The following ABCC1 variants were observed in gnomAD, a reference collection of about 807,000 sequenced individuals.
ABCC1 encodes the protein ATP binding cassette subfamily C member 1 (ABCC1 blood group).
In ABCC1, 83 loss-of-function variants were observed where a neutral mutation model predicts 172.9. The ratio of observed to expected loss-of-function variants is 0.48; its 90% CI spans 0.40 to 0.58. The LOEUF is 0.58. ABCC1 is among the 20% of genes least tolerant of loss of function. The pLI is 0.00. For missense variants in ABCC1, 1,817 were observed against 2,002.7 expected (o/e 0.91, Z 1.77); for synonymous variants, 937 against 825.2 (o/e 1.14, Z -2.32).
intron 16 of ABCC1, among the ~76,000 whole-genome samples, chr16:16,082,015 C>CA (rs930961762): frequency 1.3e-5 from 2 of 151,424 alleles, no homozygotes; most frequent in African/African-American, 2.4e-5. Context: ...GGCTTCGTTT[C>CA]AAAAAAAAAT....
chr16:16,004,876 A>G (rs570489961), intron 1 of ABCC1, among the ~76,000 whole-genome samples: 3 of 151,712 alleles, frequency 2.0e-5, no homozygotes, highest in African/African-American at 7.2e-5. Context: ...GGTTCTTGCC[A>G]TGTTGGCCGG....
chr16:15,979,367 C>G (rs753970159), intron 1 of ABCC1, among the ~76,000 whole-genome samples: 16 of 152,046 alleles, frequency 1.1e-4, no homozygotes, highest in African/African-American at 2.4e-4. Flanking sequence ...GAGATACGCT[C>G]TTCCTGAGAT....
rs930973390 is a variant in ABCC1 at position 15,961,070 on chromosome 16, T to A, written c.48+11271T>A. Among the ~76,000 whole-genome samples, 3 of 147,934 alleles carry A rather than the reference T, an allele frequency of 2.0e-5. No individual in the cohort carries two copies. The Admixed American group carries it at 2.1e-4, about 10-fold the overall frequency. ...TATGCTGCTCAGGCTGGTCTCGAACTCCTGGGCTCAAGCAATCCACCCACC... is the reference window on the plus strand; with the variant it reads ...TATGCTGCTCAGGCTGGTCTCGAACACCTGGGCTCAAGCAATCCACCCACC... On this transcript the variant is annotated intron_variant, in intron 1 of 30. Transcript: ENST00000399410.
intron 13 of ABCC1, among the ~76,000 whole-genome samples, chr16:16,071,210 G>A (rs999687782): frequency 4.6e-5 from 7 of 151,672 alleles, no homozygotes; most frequent in East Asian, 1.9e-4. Flanking sequence ...TCAGCCTCCC[G>A]AGTAGCTGGG....
intron 1 of ABCC1, among the ~76,000 whole-genome samples, chr16:15,994,613 A>G (rs1771285400): frequency 6.6e-6 from 1 of 152,160 alleles, no homozygotes; most frequent in Non-Finnish European, 1.5e-5. Flanking sequence ...TTGAAGTGCG[A>G]ACTAGCTTTC....
intron 5 of ABCC1, 135 bp downstream of exon 5, chr16:16,016,756 T>C: frequency 2.3e-6 from 3 of 1,296,652 alleles, no homozygotes; most frequent in Non-Finnish European, 3.2e-6. Context: ...GGGAATATCA[T>C]CCCACCTACT....
chr16:16,048,167 G>GA lies in ABCC1; in HGVS notation c.1248dup (p.Ser417IlefsTer26). ...GCCCTGGTGATCACCAATTCAGCCA[G>GA]AAAATCCTCCACGGTCGGGGAGATT... On this transcript the variant is annotated frameshift_variant, in exon 10 of 31. Transcript: ENST00000399410. LOFTEE classifies it high-confidence loss of function. 6.2e-7 allele frequency: 1 copy of GA among 1,614,178 alleles called. No homozygotes were observed. The highest frequency in any genetic ancestry group is 8.5e-7 in the Non-Finnish European group (1 of 1,180,038).
At chr16:16,136,168 T>C (rs2045908907) in intron 28 of ABCC1, among the ~76,000 whole-genome samples, 1 of 151,848 alleles carries the variant, frequency 6.6e-6, no homozygotes, top group African/African-American at 2.4e-5. Flanking sequence ...GGACTACAGG[T>C]ATGCACCACC....
At chr16:16,019,808 C>T (rs1399345770) in intron 5 of ABCC1, among the ~76,000 whole-genome samples, 1 of 152,108 alleles carries the variant, frequency 6.6e-6, no homozygotes, top group Non-Finnish European at 1.5e-5. Context: ...TAAAAGGCTA[C>T]ACTGTTGTGG....
chr16:15,961,751 G>A (rs893637850), intron 1 of ABCC1, among the ~76,000 whole-genome samples: 3 of 148,382 alleles, frequency 2.0e-5, no homozygotes, highest in African/African-American at 7.4e-5. Context: ...CAAATTGAAA[G>A]TAAAAGCCAA....
intron 12 of ABCC1, among the ~76,000 whole-genome samples, chr16:16,059,544 C>G (rs1022375478): frequency 3.9e-5 from 6 of 152,114 alleles, no homozygotes; most frequent in African/African-American, 1.4e-4. Flanking sequence ...GGGGCTCATG[C>G]CTGTAATCTC....
rs368918572 is a variant in ABCC1 at position 16,114,722 on chromosome 16, G to C, written c.3080-44G>C. 3.7e-4 allele frequency: 576 copies of C among 1,543,132 alleles called. 2 individuals are homozygous for C. Among genetic ancestry groups the C allele is most frequent in the South Asian group, 3.2e-3 (260 of 81,548 alleles). The stretch of plus-strand genomic sequence containing the variant: ...CACTCCTCCCTGCAGTGCCTGGTCA[G>C]CTCCCTCTCTGCATTGTGGAGTTTT... On this transcript the variant is annotated intron_variant, in intron 22 of 30. Transcript: ENST00000399410.
intron 10 of ABCC1, among the ~76,000 whole-genome samples, chr16:16,052,373 A>G (rs1000005772): frequency 6.6e-5 from 10 of 151,950 alleles, no homozygotes; most frequent in African/African-American, 2.4e-4. Context: ...TAGGAGGATC[A>G]CTGATGCAAA....
intron 28 of ABCC1, among the ~76,000 whole-genome samples, chr16:16,136,275 C>T (rs1035294610): frequency 7.9e-5 from 12 of 152,146 alleles, no homozygotes; most frequent in African/African-American, 1.2e-4. Context: ...CCACTCGCCT[C>T]GGCCTGCCAA....
chr16:16,030,329 C>G (rs1473483621), intron 5 of ABCC1, among the ~76,000 whole-genome samples: 1 of 152,122 alleles, frequency 6.6e-6, no homozygotes, highest in African/African-American at 2.4e-5. Flanking sequence ...CGAGACCAGC[C>G]TGTTCACCAA....
Position 16,131,831 on chromosome 16 carries a change from C to T in ABCC1, c.3862C>T (p.Pro1288Ser), listed in dbSNP as rs768118614. The change falls in exon 27 of 31, where the codon CCC (proline) becomes TCC (serine). Residue 1288 changes from proline (P) to serine (S), a missense_variant. Pro to Ser is a moderately conservative substitution (Grantham distance 74). This residue lies in a region of ABCC1 where 1,412 missense variants were observed against 1,600.3 expected (regional missense o/e 0.88). Coordinates refer to ENST00000399410, the MANE Select transcript of ABCC1 (RefSeq NM_004996.4). The stretch of plus-strand genomic sequence containing the variant: ...GGAGACAGCTCCGCCCAGCAGCTGG[C>T]CCCAGGTGGGCCGAGTGGAATTCCG... ...IQETAPPSSW[P>S]QVGRVEFRNY... 2 of 1,614,160 alleles carry T rather than the reference C, an allele frequency of 1.2e-6. No homozygotes were observed. Among genetic ancestry groups the T allele is most frequent in the Non-Finnish European group, 1.7e-6 (2 of 1,180,026 alleles).
At chr16:16,060,039 C>G (rs369838184) in intron 12 of ABCC1, among the ~76,000 whole-genome samples, 2 of 152,130 alleles carry the variant, frequency 1.3e-5, no homozygotes, top group East Asian at 3.9e-4. Flanking sequence ...GCTCATGGGC[C>G]GTATGTAAAC....
intron 5 of ABCC1, 28 bp downstream of exon 5, chr16:16,016,649 T>C: frequency 1.2e-6 from 2 of 1,613,472 alleles, no homozygotes; most frequent in Non-Finnish European, 1.7e-6. Flanking sequence ...TGAGTGTGTG[T>C]GCGTGTGTGT....
At chr16:16,130,966 C>G (rs1163563558) in intron 26 of ABCC1, among the ~76,000 whole-genome samples, 1 of 151,982 alleles carries the variant, frequency 6.6e-6, no homozygotes, top group Non-Finnish European at 1.5e-5. Context: ...ACTAAAAATA[C>G]AAAAATTAGC....
Sources: gnomAD v4.1 joint callset for allele counts (sites outside exome capture counted in the v4.1 genomes callset) on GRCh38, gnomAD v4.1.1 for gene constraint, gnomAD v4.1.1 regional missense constraint, MANE v1.5 for transcripts, NCBI Gene and HGNC (gene_info 2026-07-23, HGNC 2026-07-21) for gene names.